The following NEGR1 variants were observed in gnomAD, a reference collection of about 807,000 sequenced individuals.
The protein encoded by NEGR1 is IgLON family member 4.
A neutral mutation model predicts 40.9 loss-of-function variants in NEGR1; 10 were observed. That is an observed-to-expected ratio of 0.24 (90% CI 0.15 to 0.42). NEGR1 has a LOEUF of 0.42. Ranked by LOEUF, NEGR1 falls within the 10% of genes least tolerant of loss-of-function variation. NEGR1 has a pLI of 1.00. For missense variants in NEGR1, 352 were observed against 438.9 expected, an observed-to-expected ratio of 0.80 and a Z score of 1.77; for synonymous variants, 185 against 166.8, an observed-to-expected ratio of 1.11 and a Z score of -0.84.
chr1:71,436,442 T>C (rs1336115060), intron 6 of NEGR1, among the ~76,000 whole-genome samples: 1 of 152,198 alleles, frequency 6.6e-6, no homozygotes, highest in African/African-American at 2.4e-5. Flanking sequence ...AGGATTCTGA[T>C]TATTTAAGAC....
chr1:71,416,550 G>T (rs979730774), intron 6 of NEGR1, among the ~76,000 whole-genome samples: 1 of 152,018 alleles, frequency 6.6e-6, no homozygotes, highest in Non-Finnish European at 1.5e-5. Context: ...TACTTAAATT[G>T]TTCCACTTGT....
chr1:71,984,969 G>A (rs1417830245), intron 1 of NEGR1, among the ~76,000 whole-genome samples: 2 of 151,946 alleles, frequency 1.3e-5, no homozygotes, highest in Non-Finnish European at 2.9e-5. Flanking sequence ...ACAACCATAG[G>A]AAATAAATGC....
intron 6 of NEGR1, among the ~76,000 whole-genome samples, chr1:71,471,547 G>A (rs575772562): frequency 4.9e-4 from 75 of 152,160 alleles, no homozygotes; most frequent in African/African-American, 1.8e-3. Flanking sequence ...TCAGGAGGCT[G>A]AGGCCAGAGA....
intron 1 of NEGR1, among the ~76,000 whole-genome samples, chr1:72,112,577 G>T (rs995608985): frequency 2.0e-5 from 3 of 151,476 alleles, no homozygotes; most frequent in Non-Finnish European, 4.4e-5. Context: ...GAAGCAGATA[G>T]CCAAATCTAT....
intron 6 of NEGR1, among the ~76,000 whole-genome samples, chr1:71,567,561 G>A (rs1648657593): frequency 6.6e-6 from 1 of 151,980 alleles, no homozygotes; most frequent in South Asian, 2.1e-4. Context: ...GGTAAACTGT[G>A]CCTTTGCTCT....
chr1:71,647,691 A>G (rs1651577642), intron 4 of NEGR1, among the ~76,000 whole-genome samples: 2 of 151,932 alleles, frequency 1.3e-5, no homozygotes, highest in Admixed American at 6.6e-5. Flanking sequence ...TGAGTCTTCT[A>G]CAGTTTTTCC....
At chr1:71,643,198 T>C (rs1375091397) in intron 4 of NEGR1, among the ~76,000 whole-genome samples, 1 of 151,992 alleles carries the variant, frequency 6.6e-6, no homozygotes, top group Non-Finnish European at 1.5e-5. Context: ...CTGACCTGAC[T>C]TTTTTCCATG....
intron 1 of NEGR1, among the ~76,000 whole-genome samples, chr1:72,130,019 T>C (rs1650182432): frequency 6.6e-6 from 1 of 152,196 alleles, no homozygotes; most frequent in South Asian, 2.1e-4. Context: ...AAAATATTAC[T>C]GTTAATAAAT....
Position 72,229,843 on chromosome 1 carries a change from CT to C in NEGR1, c.176+52475del, listed in dbSNP as rs1654304516. Among the ~76,000 whole-genome samples the C allele has an allele frequency of 1.1e-4, 16 of 152,188 alleles. No individual in the cohort carries two copies. In the South Asian group the frequency reaches 3.3e-3, roughly 31 times the overall value. ...AAATTACATTTCTAAATTCCACATTCTGCTTTTATCAAAAAGCAGAGTTAGT... is the reference window on the plus strand; with the variant it reads ...AAATTACATTTCTAAATTCCACATTCGCTTTTATCAAAAAGCAGAGTTAGT... On this transcript the variant is annotated intron_variant, in intron 1 of 6. Transcript: ENST00000357731.
intron 6 of NEGR1, among the ~76,000 whole-genome samples, chr1:71,446,636 G>A (rs1293578138): frequency 6.6e-6 from 1 of 152,078 alleles, no homozygotes; most frequent in Non-Finnish European, 1.5e-5. Flanking sequence ...TGCTGTGTAT[G>A]TTCATAATGG....
rs547928254 is a variant in NEGR1, at chr1:71,617,726, A to G, written c.668-6580T>C. ...TTCCAGAATGTGATTAAAATTACCA[A>G]CCAGGTTAAAATACATGCCCTTAAC... is the stretch of plus-strand genomic sequence containing the variant. On this transcript the variant is annotated intron_variant, in intron 4 of 6. Coordinates refer to ENST00000357731, the MANE Select transcript of NEGR1 (RefSeq NM_173808.3). Among the ~76,000 whole-genome samples the G allele has an allele frequency of 8.1e-4, 123 of 152,282 alleles. 2 individuals carry two copies. In the South Asian group the frequency reaches 0.012, roughly 15 times the overall value.
At chr1:71,804,854 G>A (rs926460424) in intron 2 of NEGR1, among the ~76,000 whole-genome samples, 5 of 152,202 alleles carry the variant, frequency 3.3e-5, no homozygotes, top group Non-Finnish European at 7.3e-5. Flanking sequence ...GGGAACAAGA[G>A]AGATAACCTT....
intron 1 of NEGR1, among the ~76,000 whole-genome samples, chr1:72,014,195 G>T (rs2100408077): frequency 6.6e-6 from 1 of 151,898 alleles, no homozygotes; most frequent in East Asian, 1.9e-4. Flanking sequence ...AGCTAGTGTT[G>T]TTTATTGAGT....
intron 1 of NEGR1, among the ~76,000 whole-genome samples, chr1:72,076,960 T>TCTTGGCTGGCTGCAGTGCAGTGGCACAAC (rs1185843549): frequency 2.3e-5 from 3 of 129,434 alleles, no homozygotes; most frequent in Non-Finnish European, 4.7e-5. Context: ...AGTGGCACAA[T>TCTTGGCTGGCTGCAGTGCAGTGGCACAAC]CTTGGCTCAC....
At chr1:71,816,011 G>A (rs1658192876) in intron 2 of NEGR1, among the ~76,000 whole-genome samples, 1 of 151,938 alleles carries the variant, frequency 6.6e-6, no homozygotes, top group Non-Finnish European at 1.5e-5. Context: ...GAATTTCAAG[G>A]TGCATCAATA....
chr1:71,580,649 G>A (rs567238170), intron 6 of NEGR1, among the ~76,000 whole-genome samples: 32 of 151,868 alleles, frequency 2.1e-4, no homozygotes, highest in African/African-American at 7.5e-4. Context: ...TGGGGGGAGG[G>A]CACTGAAGTT....
intron 1 of NEGR1, among the ~76,000 whole-genome samples, chr1:72,255,701 C>T (rs72942906): frequency 1.3e-3 from 199 of 152,124 alleles, no homozygotes; most frequent in African/African-American, 4.4e-3. Context: ...CAGGCATGCA[C>T]CACCACACCC....
intron 3 of NEGR1, among the ~76,000 whole-genome samples, chr1:71,720,456 T>C (rs1654467496): frequency 6.6e-6 from 1 of 152,178 alleles, no homozygotes; most frequent in African/African-American, 2.4e-5. Flanking sequence ...CTTTTCTGTC[T>C]CTAAAATTCC....
chr1:71,653,942 C>T (rs1651795475), intron 4 of NEGR1, among the ~76,000 whole-genome samples: 2 of 152,158 alleles, frequency 1.3e-5, no homozygotes, highest in Admixed American at 1.3e-4. Context: ...CACTTCATGA[C>T]ACCTCAGATA....
Sources: gnomAD v4.1 joint callset for allele counts (sites outside exome capture counted in the v4.1 genomes callset) on GRCh38, gnomAD v4.1.1 for gene constraint, MANE v1.5 for transcripts, NCBI Gene and HGNC (gene_info 2026-07-23, HGNC 2026-07-21) for gene names.